The following TNFSF4 variants were observed in gnomAD, a reference collection of about 807,000 sequenced individuals.
TNFSF4 encodes tumor necrosis factor ligand superfamily member 4.
A neutral mutation model predicts 7.3 loss-of-function variants in TNFSF4; 4 were observed. The ratio of observed to expected loss-of-function variants is 0.55; its 90% CI spans 0.27 to 1.25. The LOEUF (loss-of-function observed/expected upper bound fraction) is 1.25, where lower values mean the gene tolerates loss of function less well. TNFSF4 is among the 50% of genes most tolerant of loss of function. TNFSF4 has a pLI of 0.12. For synonymous variants in TNFSF4, 76 were observed against 83.7 expected (o/e 0.91, Z 0.50); for missense variants, 181 against 208.8 (o/e 0.87, Z 0.82).
At chr1:173,199,927 G>T (rs1026049727) in intron 1 of TNFSF4, among the ~76,000 whole-genome samples, 2 of 152,070 alleles carry the variant, frequency 1.3e-5, no homozygotes, top group Non-Finnish European at 2.9e-5. Flanking sequence ...TCTTTCTCTT[G>T]TACAAATATA....
At chr1:173,365,897 C>T in the TNFSF4 span, among the ~76,000 whole-genome samples, 1 of 152,144 alleles carries the variant, frequency 6.6e-6, no homozygotes, top group African/African-American at 2.4e-5. Flanking sequence ...TATTGGTATG[C>T]ATAAGATATG....
chr1:173,396,714 C>G, the TNFSF4 span, among the ~76,000 whole-genome samples: 2 of 152,090 alleles, frequency 1.3e-5, no homozygotes, highest in African/African-American at 2.4e-5. Flanking sequence ...ATATATCACA[C>G]CTGCATTGGT....
the TNFSF4 span, among the ~76,000 whole-genome samples, chr1:173,355,377 T>C: frequency 6.6e-6 from 1 of 152,184 alleles, no homozygotes; most frequent in African/African-American, 2.4e-5. Context: ...GGGAGCATTA[T>C]CTTGTCCACC....
At chr1:173,370,267 G>A in the TNFSF4 span, among the ~76,000 whole-genome samples, 6 of 152,132 alleles carry the variant, frequency 3.9e-5, no homozygotes, top group Non-Finnish European at 5.9e-5. Flanking sequence ...AAAAGAATGC[G>A]GCTTTAGCTG....
the TNFSF4 span, among the ~76,000 whole-genome samples, chr1:173,315,414 A>G: frequency 6.6e-6 from 1 of 152,150 alleles, no homozygotes; most frequent in Admixed American, 6.6e-5. Context: ...TCTAGACATC[A>G]AAGAAAAAAG....
the TNFSF4 span, among the ~76,000 whole-genome samples, chr1:173,218,655 T>C: frequency 6.6e-6 from 1 of 152,188 alleles, no homozygotes; most frequent in Non-Finnish European, 1.5e-5. Context: ...GAAGCTCCTC[T>C]ATAATGTGTA....
chr1:173,430,496 A>C, the TNFSF4 span, among the ~76,000 whole-genome samples: 3 of 152,236 alleles, frequency 2.0e-5, no homozygotes, highest in African/African-American at 7.2e-5. Flanking sequence ...TAGCAAAGTC[A>C]AGGGAAAGTA....
the TNFSF4 span, among the ~76,000 whole-genome samples, chr1:173,377,403 G>A: frequency 2.0e-5 from 3 of 152,098 alleles, no homozygotes; most frequent in African/African-American, 4.8e-5. Flanking sequence ...ATACTTCTGC[G>A]CTGAGCCAAG....
downstream of TNFSF4, among the ~76,000 whole-genome samples, chr1:173,181,688 A>G (rs1649057295): frequency 1.3e-5 from 2 of 152,166 alleles, no homozygotes; most frequent in East Asian, 1.9e-4. Context: ...CTTAGTCGGA[A>G]CTAGAGGGCC....
chr1:173,227,084 G>C, the TNFSF4 span, among the ~76,000 whole-genome samples: 1 of 150,220 alleles, frequency 6.7e-6, no homozygotes, highest in Non-Finnish European at 1.5e-5. Flanking sequence ...GAGGTGTTCA[G>C]GAAATGGAAC....
At chr1:173,315,024 A>G in the TNFSF4 span, among the ~76,000 whole-genome samples, 1 of 152,310 alleles carries the variant, frequency 6.6e-6, no homozygotes, top group African/African-American at 2.4e-5. Flanking sequence ...GGAAGATTTC[A>G]ACAGTATCTA....
the TNFSF4 span, among the ~76,000 whole-genome samples, chr1:173,342,894 G>C: frequency 6.6e-6 from 1 of 152,214 alleles, no homozygotes; most frequent in Non-Finnish European, 1.5e-5. Context: ...ATCTAGAAGG[G>C]AGAAGGAAAG....
chr1:173,203,659 G>A (rs1172846554), intron 1 of TNFSF4, among the ~76,000 whole-genome samples: 1 of 151,942 alleles, frequency 6.6e-6, no homozygotes, highest in Non-Finnish European at 1.5e-5. Flanking sequence ...CACTTTCTAA[G>A]TATCTCTACT....
the TNFSF4 span, among the ~76,000 whole-genome samples, chr1:173,407,559 C>CAAAAAAAAA: frequency 1.4e-5 from 1 of 72,066 alleles, no homozygotes; most frequent in Non-Finnish European, 2.5e-5. Context: ...GACTCTGCCT[C>CAAAAAAAAA]AAAAAAAAAA....
chr1:173,177,457 G>A, the TNFSF4 span, among the ~76,000 whole-genome samples: 10 of 152,274 alleles, frequency 6.6e-5, no homozygotes, highest in East Asian at 1.9e-4. Context: ...TAGAGTGTGC[G>A]AGGAGGCTGA....
chr1:173,246,846 G>A, the TNFSF4 span, among the ~76,000 whole-genome samples: 1 of 152,030 alleles, frequency 6.6e-6, no homozygotes, highest in Non-Finnish European at 1.5e-5. Flanking sequence ...AGTCTCTCTG[G>A]GTCTTCTGTC....
the TNFSF4 span, among the ~76,000 whole-genome samples, chr1:173,253,680 G>T: frequency 5.3e-5 from 8 of 152,198 alleles, no homozygotes; most frequent in Non-Finnish European, 2.9e-5. Flanking sequence ...CTGGTATGGG[G>T]ATTGTGGACA....
the TNFSF4 span, among the ~76,000 whole-genome samples, chr1:173,339,374 C>G: frequency 6.6e-5 from 10 of 151,658 alleles, no homozygotes; most frequent in Non-Finnish European, 1.5e-4. Flanking sequence ...AGAAGGAGAC[C>G]CTGTCTCAAA....
the TNFSF4 span, among the ~76,000 whole-genome samples, chr1:173,304,731 C>T: frequency 6.6e-6 from 1 of 151,934 alleles, no homozygotes; most frequent in East Asian, 1.9e-4. Context: ...CTTAAGTGCC[C>T]TCATGGCATG....
Sources: allele counts gnomAD v4.1 joint callset (sites outside exome capture counted in the v4.1 genomes callset), GRCh38; gene constraint gnomAD v4.1.1; transcripts MANE v1.5; gene names NCBI Gene and HGNC (gene_info 2026-07-23, HGNC 2026-07-21).